CNBD1: variants seen among roughly 807,000 people sequenced by gnomAD.
CNBD1 encodes cyclic nucleotide-binding domain-containing protein 1.
A neutral mutation model predicts 54.4 loss-of-function variants in CNBD1; 71 were observed. The observed-to-expected ratio is 1.30, with a 90% CI of 1.08 to 1.59. The LOEUF is 1.59. Ranked by LOEUF, CNBD1 falls within the 40% of genes most tolerant of loss-of-function variation. CNBD1 has a pLI of 0.00. For synonymous variants in CNBD1, 182 were observed against 170.7 expected (o/e 1.07, Z -0.51); for missense variants, 659 against 518.0 (o/e 1.27, Z -2.64).
chr8:87,369,011 C>T (rs1259842236), intron 10 of CNBD1, among the ~76,000 whole-genome samples: 1 of 151,964 alleles, frequency 6.6e-6, no homozygotes, highest in Admixed American at 6.6e-5. Context: ...ACTCTGCCTC[C>T]AGGATCCATA....
chr8:87,020,254 A>G (rs73273633), intron 4 of CNBD1, among the ~76,000 whole-genome samples: 4,550 of 152,074 alleles, frequency 0.03, 228 homozygotes, highest in African/African-American at 0.1. Flanking sequence ...GCCTGACTCC[A>G]TCTCACCCCT....
At chr8:87,213,414 A>G (rs189896468) in intron 5 of CNBD1, among the ~76,000 whole-genome samples, 20 of 152,298 alleles carry the variant, frequency 1.3e-4, no homozygotes, top group Middle Eastern at 3.4e-3. Context: ...ACAGTTCCAC[A>G]TGGTTGGGGA....
At position 87,078,123 on chromosome 8, in the gene CNBD1, T is replaced by C. The variant is rs61503557; in HGVS notation, c.432-127870T>C. 7.6e-3 allele frequency among the ~76,000 whole-genome samples: 1,153 copies of C among 152,264 alleles called. 17 individuals are homozygous for C. Among genetic ancestry groups the C allele is most frequent in the African/African-American group, 0.026 (1,097 of 41,540 alleles). On this transcript the variant is annotated intron_variant, in intron 4 of 10. Coordinates refer to ENST00000518476, the MANE Select transcript of CNBD1 (RefSeq NM_173538.3). ...AGTCTATTGTAGGAGTTCATTAGAA[T>C]TGGGCAAGCTTCAGGATATAATATT...
At chr8:87,181,384 T>C (rs1586311972) in intron 4 of CNBD1, among the ~76,000 whole-genome samples, 2 of 152,356 alleles carry the variant, frequency 1.3e-5, no homozygotes, top group Middle Eastern at 3.4e-3. Context: ...TGTGCATCTC[T>C]ACAATTTCAA....
At chr8:87,015,198 C>T (rs1188131893) in intron 4 of CNBD1, among the ~76,000 whole-genome samples, 7 of 152,072 alleles carry the variant, frequency 4.6e-5, no homozygotes, top group Admixed American at 1.3e-4. Flanking sequence ...AGGGGGCGAA[C>T]GGAGTCTTGC....
chr8:87,093,393 A>G (rs961620517), intron 4 of CNBD1, among the ~76,000 whole-genome samples: 2 of 152,066 alleles, frequency 1.3e-5, no homozygotes. Flanking sequence ...GTTGAGAGGA[A>G]AATCTGGCTG....
At chr8:87,179,285 AG>A (rs1012619286) in intron 4 of CNBD1, among the ~76,000 whole-genome samples, 153 of 152,348 alleles carry the variant, frequency 1.0e-3, no homozygotes, top group African/African-American at 3.5e-3. Context: ...TGGAGATAAA[AG>A]ATATTCATAA....
At position 87,146,787 on chromosome 8, in the gene CNBD1, A is replaced by G. The variant is rs551653588; in HGVS notation, c.432-59206A>G. ...GACTACCTTAGTGCAAAACACTATC[A>G]TCTGTCACCTAGCTCACTGTAATAA... On this transcript the variant is annotated intron_variant, in intron 4 of 10. Coordinates refer to ENST00000518476, the MANE Select transcript of CNBD1 (RefSeq NM_173538.3). Among the ~76,000 whole-genome samples, 47 of 152,250 alleles carry G rather than the reference A, an allele frequency of 3.1e-4. No homozygotes were observed. In the East Asian group the frequency reaches 8.3e-3, roughly 27 times the overall value.
rs575846473 is a variant in CNBD1 at position 87,073,856 on chromosome 8, CT to C, written c.432-132134del. Among the ~76,000 whole-genome samples the C allele has an allele frequency of 2.1e-4, 32 of 152,160 alleles. No homozygotes were observed. In the South Asian group the frequency reaches 6.6e-3, roughly 32 times the overall value. On this transcript the variant is annotated intron_variant, in intron 4 of 10. Coordinates refer to ENST00000518476, the MANE Select transcript of CNBD1 (RefSeq NM_173538.3). ...GTGGCTCATACCTGTAATCCCAGCA[CT>C]TTGGGAGGCTGAGGTGGGCAGATCA...
chr8:87,031,016 C>T (rs113475209), intron 4 of CNBD1, among the ~76,000 whole-genome samples: 4,200 of 145,116 alleles, frequency 0.029, 215 homozygotes, highest in African/African-American at 0.1. Context: ...AAAAAAAATT[C>T]TTCCAGAAGC....
chr8:87,417,587 T>C (rs1038398295), intron 2 of CNBD1, among the ~76,000 whole-genome samples: 1 of 151,980 alleles, frequency 6.6e-6, no homozygotes, highest in South Asian at 2.1e-4. Flanking sequence ...ATTGTGTATA[T>C]AGAAAAATCC....
chr8:86,968,864 G>C (rs957750215), intron 4 of CNBD1, among the ~76,000 whole-genome samples: 1 of 152,180 alleles, frequency 6.6e-6, no homozygotes, highest in African/African-American at 2.4e-5. Context: ...GTGGAGGAAT[G>C]ACTTTGAGTT....
intron 4 of CNBD1, among the ~76,000 whole-genome samples, chr8:87,189,582 T>C (rs1813555684): frequency 6.6e-6 from 1 of 152,160 alleles, no homozygotes; most frequent in South Asian, 2.1e-4. Context: ...GTAATCTATT[T>C]TCTAATTATA....
chr8:86,911,432 T>A (rs1178534410), intron 3 of CNBD1, among the ~76,000 whole-genome samples: 1 of 152,196 alleles, frequency 6.6e-6, no homozygotes, highest in Non-Finnish European at 1.5e-5. Context: ...ATGGAAACCT[T>A]TGTTAAAAAT....
At chr8:87,245,607 A>G (rs984003959) in intron 6 of CNBD1, among the ~76,000 whole-genome samples, 1 of 151,146 alleles carries the variant, frequency 6.6e-6, no homozygotes, top group Non-Finnish European at 1.5e-5. Flanking sequence ...AACTTTATGT[A>G]AGATTAAAAA....
chr8:87,350,351 A>G (rs114223489), intron 8 of CNBD1, among the ~76,000 whole-genome samples: 3,664 of 152,098 alleles, frequency 0.024, 146 homozygotes, highest in African/African-American at 0.081. Context: ...TATTATAAAT[A>G]TTGAAGTAAC....
chr8:87,099,025 A>G (rs1283032032), intron 4 of CNBD1, among the ~76,000 whole-genome samples: 2 of 123,990 alleles, frequency 1.6e-5, no homozygotes, highest in South Asian at 5.9e-4. Context: ...ACAGAGCAAG[A>G]CTGTGTCTCA....
intron 6 of CNBD1, among the ~76,000 whole-genome samples, chr8:87,263,785 G>T (rs1385676542): frequency 6.6e-6 from 1 of 151,988 alleles, no homozygotes; most frequent in East Asian, 1.9e-4. Context: ...CCTGGAAATG[G>T]AATTTCCAAG....
intron 4 of CNBD1, among the ~76,000 whole-genome samples, chr8:87,194,861 T>C (rs1813681849): frequency 6.6e-6 from 1 of 152,060 alleles, no homozygotes; most frequent in African/African-American, 2.4e-5. Context: ...TGTAGTGTCT[T>C]TTTTTGTTGT....
Sources: gnomAD v4.1 joint callset for allele counts (sites outside exome capture counted in the v4.1 genomes callset) on GRCh38, gnomAD v4.1.1 for gene constraint, MANE v1.5 for transcripts, NCBI Gene and HGNC (gene_info 2026-07-23, HGNC 2026-07-21) for gene names.